Variants in APPBP2 observed in about 807,000 individuals in gnomAD.
APPBP2 encodes the protein amyloid protein-binding protein 2.
In APPBP2, 15 loss-of-function variants were observed where a neutral mutation model predicts 76.0. The ratio of observed to expected loss-of-function variants is 0.20; its 90% CI spans 0.13 to 0.30. The LOEUF (loss-of-function observed/expected upper bound fraction) is 0.30, where lower values mean the gene tolerates loss of function less well. Ranked by LOEUF, APPBP2 falls within the 10% of genes least tolerant of loss-of-function variation. APPBP2 has a pLI of 1.00. For synonymous variants in APPBP2, 222 were observed against 242.2 expected, an observed-to-expected ratio of 0.92 and a Z score of 0.77; for missense variants, 401 against 687.2, an observed-to-expected ratio of 0.58 and a Z score of 4.66.
intron 5 of APPBP2, among the ~76,000 whole-genome samples, chr17:60,465,599 T>C (rs965587539): frequency 1.3e-5 from 2 of 152,136 alleles, no homozygotes; most frequent in Non-Finnish European, 2.9e-5. Flanking sequence ...CTGGGCATGG[T>C]GGCTCATGCC....
intron 3 of APPBP2, among the ~76,000 whole-genome samples, chr17:60,487,393 T>G (rs2090688817): frequency 6.6e-6 from 1 of 152,198 alleles, no homozygotes. Context: ...TGTTTGTTTC[T>G]TTTTACTCTC....
At chr17:60,486,426 G>A (rs561200180) in intron 3 of APPBP2, among the ~76,000 whole-genome samples, 14 of 152,246 alleles carry the variant, frequency 9.2e-5, no homozygotes, top group South Asian at 2.1e-4. Flanking sequence ...TCTTCTTGTC[G>A]AATTGATCCC....
intron 1 of APPBP2, 92 bp downstream of exon 1, chr17:60,525,702 G>A (rs2091047874): frequency 6.3e-7 from 1 of 1,575,484 alleles, no homozygotes; most frequent in African/African-American, 1.4e-5. Flanking sequence ...CGGAAGGGGT[G>A]AGGGGTTAAC....
chr17:60,513,442 TG>T, intron 1 of APPBP2: 1 of 644,176 alleles, frequency 1.6e-6, no homozygotes. Flanking sequence ...AGATAACTTG[TG>T]GTTTTGTACT....
rs375559741 is a variant in APPBP2, at chr17:60,456,141, G to A, written c.1147+155C>T. ...ATTATGAGCCACTGGAACCCCTTAA[G>A]TAGAGTTGTGGTAAAATGGCTATCT... is the stretch of plus-strand genomic sequence containing the variant. On this transcript the variant is annotated intron_variant, in intron 10 of 12. Transcript: ENST00000083182. Among the ~76,000 whole-genome samples the A allele has an allele frequency of 8.5e-5, 13 of 152,290 alleles. No homozygotes were observed. In the East Asian group the frequency reaches 1.7e-3, roughly 20 times the overall value.
At chr17:60,480,920 G>A (rs965301993) in intron 3 of APPBP2, among the ~76,000 whole-genome samples, 5 of 152,146 alleles carry the variant, frequency 3.3e-5, no homozygotes, top group Non-Finnish European at 7.3e-5. Context: ...AAACACCCCA[G>A]GGTGTGCTTC....
intron 3 of APPBP2, among the ~76,000 whole-genome samples, chr17:60,480,073 G>A (rs2090617842): frequency 1.3e-5 from 2 of 152,094 alleles, no homozygotes; most frequent in South Asian, 4.1e-4. Flanking sequence ...GTGCTATTCA[G>A]GATTAGTTAC....
rs2091052815 is a variant in APPBP2, at chr17:60,526,075, T to G, written c.-144A>C. On this transcript the variant is annotated 5_prime_UTR_variant, in exon 1 of 13. Coordinates refer to ENST00000083182, the MANE Select transcript of APPBP2 (RefSeq NM_006380.5). ...CGCACGGCAGAAGGCACGGCCGCCC[T>G]GCCTCCTCCGGGGGCAAACTGAGGG... 1 of 747,964 alleles carries G rather than the reference T, an allele frequency of 1.3e-6. No individual in the cohort carries two copies. Among genetic ancestry groups the G allele is most frequent in the Non-Finnish European group, 2.1e-6 (1 of 470,658 alleles). 46.3% of individuals were successfully genotyped at this position (747,964 alleles called of 1,614,324 possible).
At chr17:60,490,747 T>G (rs577750202) in intron 3 of APPBP2, among the ~76,000 whole-genome samples, 1 of 152,298 alleles carries the variant, frequency 6.6e-6, no homozygotes, top group African/African-American at 2.4e-5. Context: ...TCCCCAATAC[T>G]GTTCTTGTGG....
In APPBP2 at chr17:60,454,576, T is replaced by C. The variant is rs1443940575; in HGVS notation, c.1148-84A>G. The stretch of plus-strand genomic sequence containing the variant: ...ACATCTAATTTAAACTTAAATAATA[T>C]AAATGTTTACTGAATATATTTATAT... On this transcript the variant is annotated intron_variant, in intron 10 of 12. Coordinates refer to ENST00000083182, the MANE Select transcript of APPBP2 (RefSeq NM_006380.5). The C allele has an allele frequency of 8.2e-6, 7 of 849,052 alleles. No individual in the cohort carries two copies. In the African/African-American group the frequency reaches 1.0e-4, roughly 13 times the overall value. 52.6% of individuals were successfully genotyped at this position (849,052 alleles called of 1,614,324 possible).
Position 60,445,655 on chromosome 17 carries a change from A to G in APPBP2, c.*1926T>C, listed in dbSNP as rs1311199007. On this transcript the variant is annotated 3_prime_UTR_variant, in exon 13 of 13. Coordinates refer to ENST00000083182, the MANE Select transcript of APPBP2 (RefSeq NM_006380.5). ...TAAAAATGTTAGTCCTTGGTCACAA[A>G]GACTATTTGGTAATTAATAAAGAAG... The G allele has an allele frequency of 6.6e-6, 1 of 152,266 alleles. No individual in the cohort carries two copies. Among genetic ancestry groups the G allele is most frequent in the Admixed American group, 6.5e-5 (1 of 15,272 alleles). The allele number at this position is 152,266 out of a possible 1,614,324, so 9.4% of individuals were successfully genotyped here. A position where few individuals can be genotyped will look rare whatever the true frequency, so the allele number is the denominator to read the frequency against.
rs753470292 is a variant in APPBP2, at chr17:60,525,824, G to C, written c.108C>G (p.Pro36=). ...IRSRRDIRSL[P]ENIQFDVYYK... Reference sequence around the variant, plus strand: ...AGTAAACATCAAACTGGATGTTCTCGGGCAAGGAGCGGATGTCTCGGCGGG... The same window carrying C: ...AGTAAACATCAAACTGGATGTTCTCCGGCAAGGAGCGGATGTCTCGGCGGG... The change falls in exon 1 of 13, where the codon CCC becomes CCG. Residue 36 remains proline, a synonymous_variant. Transcript: ENST00000083182. 9 of 1,613,848 alleles carry C rather than the reference G, an allele frequency of 5.6e-6. No homozygotes were observed. The African/African-American group carries it at 1.2e-4, about 22-fold the overall frequency.
chr17:60,505,625 A>C (rs2090860593), intron 1 of APPBP2, among the ~76,000 whole-genome samples: 2 of 143,966 alleles, frequency 1.4e-5, no homozygotes. Context: ...CATAATCCAA[A>C]ATCTTTATTA....
intron 12 of APPBP2, among the ~76,000 whole-genome samples, chr17:60,450,606 T>C (rs1486042001): frequency 6.1e-5 from 9 of 146,964 alleles, no homozygotes; most frequent in Admixed American, 5.3e-4. Flanking sequence ...CTTGTCCCTA[T>C]TGAAACAATA....
At chr17:60,515,320 T>G (rs569996834) in intron 1 of APPBP2, among the ~76,000 whole-genome samples, 28 of 152,036 alleles carry the variant, frequency 1.8e-4, no homozygotes, top group Admixed American at 1.3e-3. Flanking sequence ...TTCACCATGT[T>G]GGCAAGGCTG....
chr17:60,504,351 T>A (rs1410009600), intron 1 of APPBP2, among the ~76,000 whole-genome samples: 1 of 151,952 alleles, frequency 6.6e-6, no homozygotes, highest in Admixed American at 6.6e-5. Flanking sequence ...CAGAACAAAA[T>A]GCAAAGTTCA....
chr17:60,480,122 T>C (rs558808435), intron 3 of APPBP2, among the ~76,000 whole-genome samples: 31 of 152,322 alleles, frequency 2.0e-4, no homozygotes, highest in African/African-American at 7.5e-4. Flanking sequence ...CATCATGGTA[T>C]GTTCTAAAAC....
chr17:60,525,035 T>C (rs886326532), intron 1 of APPBP2, among the ~76,000 whole-genome samples: 5 of 152,236 alleles, frequency 3.3e-5, no homozygotes, highest in Non-Finnish European at 4.4e-5. Context: ...GGAGACTTGC[T>C]GTTCAGATTT....
intron 3 of APPBP2, among the ~76,000 whole-genome samples, chr17:60,481,610 A>G (rs2090629745): frequency 6.6e-6 from 1 of 152,232 alleles, no homozygotes; most frequent in Non-Finnish European, 1.5e-5. Flanking sequence ...AGAGCATGAC[A>G]AAGTCAAAAC....
Sources: gnomAD v4.1 joint callset for allele counts (sites outside exome capture counted in the v4.1 genomes callset) on GRCh38, gnomAD v4.1.1 for gene constraint, MANE v1.5 for transcripts, NCBI Gene and HGNC (gene_info 2026-07-23, HGNC 2026-07-21) for gene names.